FTO: variants seen among roughly 807,000 people sequenced by gnomAD.
FTO encodes alpha-ketoglutarate-dependent dioxygenase FTO.
A neutral mutation model predicts 63.9 loss-of-function variants in FTO; 47 were observed. The observed-to-expected ratio is 0.74, with a 90% CI of 0.58 to 0.94. FTO has a LOEUF of 0.94. FTO is among the 40% of genes least tolerant of loss of function. The pLI, the probability that FTO is intolerant of heterozygous loss-of-function variation, is 0.00. For missense variants in FTO, 562 were observed against 618.1 expected, an observed-to-expected ratio of 0.91 and a Z score of 0.96; for synonymous variants, 207 against 224.4, an observed-to-expected ratio of 0.92 and a Z score of 0.69.
intron 8 of FTO, among the ~76,000 whole-genome samples, chr16:54,062,373 G>C (rs534943265): frequency 6.6e-6 from 1 of 152,114 alleles, no homozygotes; most frequent in African/African-American, 2.4e-5. Context: ...CTTGGCAGGG[G>C]GGTGCGGCAG....
chr16:54,073,455 G>A lies in FTO; in HGVS notation c.1365-38307G>A, dbSNP rs562990936. 5.3e-5 allele frequency among the ~76,000 whole-genome samples: 8 copies of A among 152,134 alleles called. No individual in the cohort carries two copies. In the South Asian group the frequency reaches 1.7e-3, roughly 32 times the overall value. On this transcript the variant is annotated intron_variant, in intron 8 of 8. Coordinates refer to ENST00000471389, the MANE Select transcript of FTO (RefSeq NM_001080432.3). ...ATCTTCAGGATCAGGCTTGGCGTGG[G>A]TTTTCAGGAACGTGTGTGGCCCTGA...
chr16:53,851,718 A>C (rs1297912594), intron 4 of FTO, among the ~76,000 whole-genome samples: 1 of 152,130 alleles, frequency 6.6e-6, no homozygotes, highest in Non-Finnish European at 1.5e-5. Context: ...TTTTGTACAT[A>C]ATATGTGCTG....
intron 1 of FTO, among the ~76,000 whole-genome samples, chr16:53,710,163 C>G (rs1319363040): frequency 6.7e-6 from 1 of 149,366 alleles, no homozygotes; most frequent in Non-Finnish European, 1.5e-5. Context: ...TGTGTGCAAG[C>G]TATCTTTTAT....
At chr16:54,097,865 C>T (rs976359187) in intron 8 of FTO, among the ~76,000 whole-genome samples, 32 of 152,050 alleles carry the variant, frequency 2.1e-4, no homozygotes, top group African/African-American at 6.5e-4. Flanking sequence ...CTGAGTAAGG[C>T]GGTCAAGGAA....
chr16:53,862,777 T>G (rs1281179088), intron 4 of FTO, among the ~76,000 whole-genome samples: 1 of 152,110 alleles, frequency 6.6e-6, no homozygotes, highest in Non-Finnish European at 1.5e-5. Context: ...CTGACTGGCC[T>G]TAAGTAATCC....
intron 8 of FTO, among the ~76,000 whole-genome samples, chr16:54,073,598 CTT>C (rs1491455218): frequency 6.7e-6 from 1 of 150,078 alleles, no homozygotes; most frequent in Admixed American, 6.7e-5. Flanking sequence ...AGCTCTCTCT[CTT>C]CTCTCTCTCT....
At chr16:53,963,335 T>C (rs2083124981) in intron 8 of FTO, among the ~76,000 whole-genome samples, 1 of 152,228 alleles carries the variant, frequency 6.6e-6, no homozygotes, top group Non-Finnish European at 1.5e-5. Flanking sequence ...TGTGTTATTG[T>C]TGGGGCCTAG....
intron 2 of FTO, among the ~76,000 whole-genome samples, chr16:53,816,768 C>T (rs927490250): frequency 1.3e-5 from 2 of 152,120 alleles, no homozygotes; most frequent in Admixed American, 6.6e-5. Context: ...TATTTTTCCC[C>T]GTAGACTTAT....
intron 2 of FTO, among the ~76,000 whole-genome samples, chr16:53,825,566 G>C (rs753488601): frequency 3.3e-5 from 5 of 152,170 alleles, no homozygotes; most frequent in Admixed American, 3.3e-4. Flanking sequence ...GATTTAGGGT[G>C]AGAAAAAGTG....
intron 3 of FTO, among the ~76,000 whole-genome samples, chr16:53,829,778 T>C (rs2079097239): frequency 6.6e-6 from 1 of 152,120 alleles, no homozygotes; most frequent in African/African-American, 2.4e-5. Flanking sequence ...GCTCTCGTGA[T>C]TATAATTATG....
At chr16:53,951,436 T>C (rs2082797939) in intron 8 of FTO, among the ~76,000 whole-genome samples, 1 of 152,198 alleles carries the variant, frequency 6.6e-6, no homozygotes, top group Non-Finnish European at 1.5e-5. Context: ...TTCTGTCTAA[T>C]CTACAGTGAC....
intron 8 of FTO, among the ~76,000 whole-genome samples, chr16:53,944,376 A>G (rs747025505): frequency 3.9e-5 from 6 of 152,150 alleles, no homozygotes; most frequent in African/African-American, 9.7e-5. Flanking sequence ...CCATTCCCCA[A>G]TTGTGTTGGC....
intron 8 of FTO, among the ~76,000 whole-genome samples, chr16:54,089,265 C>T (rs1215206845): frequency 6.6e-6 from 1 of 152,174 alleles, no homozygotes; most frequent in Admixed American, 6.5e-5. Context: ...TAAAACAGTT[C>T]ACACTAATTA....
At chr16:53,919,293 C>T (rs967090512) in intron 7 of FTO, among the ~76,000 whole-genome samples, 4 of 152,090 alleles carry the variant, frequency 2.6e-5, no homozygotes, top group African/African-American at 7.2e-5. Context: ...GTATCATTAT[C>T]ATCATTATCA....
chr16:53,849,540 T>C (rs2111114), intron 4 of FTO, among the ~76,000 whole-genome samples: 30,033 of 152,178 alleles, frequency 0.2, 3,170 homozygotes, highest in East Asian at 0.33. Flanking sequence ...GGAGAATTAA[T>C]ATCTGGTCCA....
At chr16:53,903,935 T>TAC (rs973743811) in intron 7 of FTO, among the ~76,000 whole-genome samples, 1 of 151,946 alleles carries the variant, frequency 6.6e-6, no homozygotes, top group Non-Finnish European at 1.5e-5. Flanking sequence ...TAGATATATA[T>TAC]ACTATCTATA....
rs536478353 is a variant in FTO, at chr16:54,036,407, G to A, written c.1365-75355G>A. On this transcript the variant is annotated intron_variant, in intron 8 of 8. Coordinates refer to ENST00000471389, the MANE Select transcript of FTO (RefSeq NM_001080432.3). ...TCCCATTTCTTGGGCCTGGGAATCCGGGGCCCTAACAGTGAGCTCAGAATG... is the reference window on the plus strand; with the variant it reads ...TCCCATTTCTTGGGCCTGGGAATCCAGGGCCCTAACAGTGAGCTCAGAATG... Among the ~76,000 whole-genome samples the A allele has an allele frequency of 3.3e-5, 5 of 152,282 alleles. No homozygotes were observed. In the South Asian group the frequency reaches 6.2e-4, roughly 19 times the overall value.
chr16:54,007,850 AC>A (rs1366338187), intron 8 of FTO, among the ~76,000 whole-genome samples: 1 of 152,222 alleles, frequency 6.6e-6, no homozygotes, highest in African/African-American at 2.4e-5. Flanking sequence ...AAATTACTCT[AC>A]AAGCCAAATA....
At chr16:53,878,687 G>A (rs1380918120) in intron 5 of FTO, among the ~76,000 whole-genome samples, 2 of 152,122 alleles carry the variant, frequency 1.3e-5, no homozygotes, top group African/African-American at 2.4e-5. Flanking sequence ...ATTATTCTAG[G>A]AAATCATTTT....
Sources: allele counts gnomAD v4.1 joint callset (sites outside exome capture counted in the v4.1 genomes callset), GRCh38; gene constraint gnomAD v4.1.1; transcripts MANE v1.5; gene names NCBI Gene and HGNC (gene_info 2026-07-23, HGNC 2026-07-21).